Variants in NXPE2 observed in about 807,000 individuals in gnomAD.
The protein encoded by NXPE2 is neurexophilin and PC-esterase domain family member 2.
NXPE2 carries 34 observed loss-of-function variants against 34.4 expected under a neutral mutation model. The ratio of observed to expected loss-of-function variants is 0.99; its 90% confidence interval spans 0.75 to 1.31. The LOEUF (loss-of-function observed/expected upper bound fraction) is 1.31, where lower values mean the gene tolerates loss of function less well. NXPE2 is among the 40% of genes most tolerant of loss of function. The probability of loss-of-function intolerance (pLI) is 0.00; values close to 1 mark genes in which losing one functional copy is unlikely to be tolerated. For synonymous variants in NXPE2, 235 were observed against 231.3 expected, an observed-to-expected ratio of 1.02 and a Z score of -0.15; for missense variants, 649 against 672.5, an observed-to-expected ratio of 0.97 and a Z score of 0.39.
the NXPE2 span, among the ~76,000 whole-genome samples, chr11:114,713,895 C>A: frequency 1.3e-5 from 2 of 152,166 alleles, no homozygotes; most frequent in Non-Finnish European, 2.9e-5. Flanking sequence ...TCTTCCTGTA[C>A]AGCATGAGTT....
the NXPE2 span, among the ~76,000 whole-genome samples, chr11:114,712,875 T>A: frequency 6.6e-6 from 1 of 152,120 alleles, no homozygotes; most frequent in Non-Finnish European, 1.5e-5. Flanking sequence ...GTGAAGCACC[T>A]CAAATGTCCA....
the NXPE2 span, among the ~76,000 whole-genome samples, chr11:114,670,621 G>A: frequency 6.6e-6 from 1 of 151,986 alleles, no homozygotes; most frequent in South Asian, 2.1e-4. Context: ...GAACCCAGGA[G>A]TTCAAAGTTA....
chr11:114,569,376 TATTG>T, the NXPE2 span, among the ~76,000 whole-genome samples: 4 of 151,650 alleles, frequency 2.6e-5, no homozygotes, highest in East Asian at 7.8e-4. Context: ...GGACCATTGT[TATTG>T]ATTATCTACT....
chr11:114,627,355 G>A, the NXPE2 span, among the ~76,000 whole-genome samples: 1 of 152,000 alleles, frequency 6.6e-6, no homozygotes, highest in Non-Finnish European at 1.5e-5. Flanking sequence ...AGAGAGTGGG[G>A]ACCAATATTC....
the NXPE2 span, among the ~76,000 whole-genome samples, chr11:114,660,954 A>G: frequency 9.8e-4 from 149 of 152,294 alleles, no homozygotes; most frequent in Non-Finnish European, 1.4e-3. Context: ...ATAAAGTTTT[A>G]TTGTTATTCT....
chr11:114,807,759 C>T, the NXPE2 span, among the ~76,000 whole-genome samples: 1 of 151,824 alleles, frequency 6.6e-6, no homozygotes, highest in Admixed American at 6.6e-5. Flanking sequence ...TTTAACACCC[C>T]ACTGTCAACA....
At chr11:114,575,571 A>C in the NXPE2 span, among the ~76,000 whole-genome samples, 1 of 152,134 alleles carries the variant, frequency 6.6e-6, no homozygotes, top group African/African-American at 2.4e-5. Flanking sequence ...AATCAAATCA[A>C]GAGCTCAACT....
At chr11:114,580,589 T>A in the NXPE2 span, among the ~76,000 whole-genome samples, 2 of 152,234 alleles carry the variant, frequency 1.3e-5, no homozygotes, top group East Asian at 3.9e-4. Flanking sequence ...AGAAAAAAAA[T>A]GGCTTTCTGG....
chr11:114,721,976 G>A, the NXPE2 span, among the ~76,000 whole-genome samples: 3 of 152,190 alleles, frequency 2.0e-5, no homozygotes, highest in African/African-American at 7.2e-5. Context: ...CACTAGAAAT[G>A]TGAGTTGTGA....
chr11:114,678,903 G>C (rs752876000), intron 1 of NXPE2, among the ~76,000 whole-genome samples: 1 of 149,920 alleles, frequency 6.7e-6, no homozygotes, highest in Admixed American at 6.6e-5. Flanking sequence ...GTTGGATTTG[G>C]TATGATGTTT....
the NXPE2 span, among the ~76,000 whole-genome samples, chr11:114,609,494 T>C: frequency 6.6e-6 from 1 of 151,848 alleles, no homozygotes; most frequent in Non-Finnish European, 1.5e-5. Context: ...GTAACCATTG[T>C]TACCTGGTGG....
the NXPE2 span, among the ~76,000 whole-genome samples, chr11:114,636,101 C>T: frequency 2.4e-4 from 37 of 151,602 alleles, no homozygotes; most frequent in African/African-American, 8.7e-4. Context: ...GTCCTGGACT[C>T]TTTCGTTGGT....
the NXPE2 span, among the ~76,000 whole-genome samples, chr11:114,516,570 CTTA>C: frequency 1.3e-5 from 2 of 151,610 alleles, no homozygotes; most frequent in African/African-American, 2.4e-5. Context: ...GAAAGCAAGC[CTTA>C]TTATTATTAT....
chr11:114,606,471 G>C, the NXPE2 span, among the ~76,000 whole-genome samples: 1 of 151,814 alleles, frequency 6.6e-6, no homozygotes, highest in Non-Finnish European at 1.5e-5. Flanking sequence ...TGCCTCTAGG[G>C]TAACCACTGT....
At chr11:114,654,257 A>G in the NXPE2 span, among the ~76,000 whole-genome samples, 2 of 152,086 alleles carry the variant, frequency 1.3e-5, no homozygotes, top group Admixed American at 6.5e-5. Flanking sequence ...GCTTTGAATG[A>G]AACAGAGCTG....
the NXPE2 span, among the ~76,000 whole-genome samples, chr11:114,610,036 AC>A: frequency 1.3e-5 from 2 of 151,808 alleles, no homozygotes; most frequent in Non-Finnish European, 2.9e-5. Flanking sequence ...GTGGGTAGGC[AC>A]TTTTCCCCGG....
the NXPE2 span, among the ~76,000 whole-genome samples, chr11:114,586,287 G>A: frequency 2.6e-5 from 4 of 152,096 alleles, no homozygotes; most frequent in Admixed American, 1.3e-4. Context: ...GATTTCCTTG[G>A]AGAGAGACAA....
At chr11:114,538,500 A>G in the NXPE2 span, among the ~76,000 whole-genome samples, 19 of 152,156 alleles carry the variant, frequency 1.2e-4, no homozygotes, top group South Asian at 3.9e-3. Context: ...GCAACCTACA[A>G]AATGGGAGAA....
chr11:114,716,824 T>C, the NXPE2 span, among the ~76,000 whole-genome samples: 9 of 152,160 alleles, frequency 5.9e-5, no homozygotes, highest in East Asian at 1.7e-3. Flanking sequence ...TTCCATACTT[T>C]AAGCAGTTTA....
Sources: gnomAD v4.1 joint callset for allele counts (sites outside exome capture counted in the v4.1 genomes callset) on GRCh38, gnomAD v4.1.1 for gene constraint, MANE v1.5 for transcripts, NCBI Gene and HGNC (gene_info 2026-07-23, HGNC 2026-07-21) for gene names.